Variants in LONP2 observed in about 807,000 individuals in gnomAD.
LONP2 encodes lon peptidase 2, peroxisomal.
In LONP2, 60 loss-of-function variants were observed where a neutral mutation model predicts 85.6. That is an observed-to-expected ratio of 0.70 (90% CI 0.57 to 0.87). LONP2 has a LOEUF of 0.87. Among genes scored for constraint, LONP2 ranks in the 40% least tolerant of loss-of-function variants. The pLI, the probability that LONP2 is intolerant of heterozygous loss-of-function variation, is 0.00. For synonymous variants in LONP2, 395 were observed against 389.7 expected, an observed-to-expected ratio of 1.01 and a Z score of -0.16; for missense variants, 860 against 1,063.5, an observed-to-expected ratio of 0.81 and a Z score of 2.66.
chr16:48,272,971 C>T (rs75838561), intron 7 of LONP2, among the ~76,000 whole-genome samples: 1 of 152,150 alleles, frequency 6.6e-6, no homozygotes, highest in African/African-American at 2.4e-5. Context: ...ACCGACAATT[C>T]CAGCACAACC....
At chr16:48,349,151 G>A (rs1209190928) in intron 14 of LONP2, among the ~76,000 whole-genome samples, 1 of 151,842 alleles carries the variant, frequency 6.6e-6, no homozygotes, top group Non-Finnish European at 1.5e-5. Context: ...TACAGAACTT[G>A]AGAGTATTTA....
chr16:48,254,364 ATT>A (rs141945767), intron 2 of LONP2, among the ~76,000 whole-genome samples: 49 of 138,712 alleles, frequency 3.5e-4, no homozygotes, highest in South Asian at 1.2e-3. Flanking sequence ...TCCATCTCTG[ATT>A]TTTTTTTTTT....
chr16:48,293,787 G>A (rs923970235), intron 8 of LONP2, among the ~76,000 whole-genome samples: 5 of 152,184 alleles, frequency 3.3e-5, no homozygotes, highest in Non-Finnish European at 5.9e-5. Context: ...TACAAAGACA[G>A]AGGGAAGGCT....
chr16:48,335,903 G>C (rs1403974049), intron 12 of LONP2, among the ~76,000 whole-genome samples: 1 of 152,316 alleles, frequency 6.6e-6, no homozygotes, highest in African/African-American at 2.4e-5. Flanking sequence ...TCATGGATTT[G>C]AATTTTGAAG....
At chr16:48,311,933 A>G (rs899124322) in intron 11 of LONP2, among the ~76,000 whole-genome samples, 3 of 148,178 alleles carry the variant, frequency 2.0e-5, no homozygotes. Context: ...CCTGCCCCTG[A>G]CAGCTTCTTC....
chr16:48,259,871 A>G (rs74016347), intron 4 of LONP2, among the ~76,000 whole-genome samples: 1,863 of 152,320 alleles, frequency 0.012, 39 homozygotes, highest in African/African-American at 0.042. Context: ...GAAAACTGCA[A>G]CTTACTCTCA....
At chr16:48,361,778 T>C, downstream of LONP2, 1 of 1,614,184 alleles carries the variant, frequency 6.2e-7, no homozygotes, top group Non-Finnish European at 8.5e-7. Context: ...AATTTTCAGC[T>C]TGCTTGCGTG....
chr16:48,309,265 G>A (rs766228058), intron 11 of LONP2, among the ~76,000 whole-genome samples: 13 of 152,100 alleles, frequency 8.5e-5, no homozygotes, highest in Admixed American at 2.0e-4. Flanking sequence ...AAATAGAACC[G>A]TCATTTGATC....
At chr16:48,286,828 C>T (rs1487475567) in intron 8 of LONP2, among the ~76,000 whole-genome samples, 1 of 151,792 alleles carries the variant, frequency 6.6e-6, no homozygotes, top group African/African-American at 2.4e-5. Context: ...CTCTTTAGGG[C>T]CGTACTTTTG....
rs762572002 is a variant in LONP2, at chr16:48,351,716, A to G, written c.2473A>G (p.Ser825Gly). 11 of 1,614,084 alleles carry G rather than the reference A, an allele frequency of 6.8e-6. No individual in the cohort carries two copies. In the East Asian group the frequency reaches 2.0e-4, roughly 29 times the overall value. Residue 825 changes from serine (S) to glycine (G), a missense_variant, in exon 15 of 15, where the codon AGC (serine) becomes GGC (glycine). Coordinates refer to ENST00000285737, the MANE Select transcript of LONP2 (RefSeq NM_031490.5). ...VRQDLSFVTA[S>G]CLDEVLNAAF... ...ACAGGATTTAAGTTTTGTCACAGCA[A>G]GCTGCCTGGATGAGGTTCTTAATGC...
intron 11 of LONP2, among the ~76,000 whole-genome samples, chr16:48,320,078 T>A (rs1973229586): frequency 6.7e-6 from 1 of 148,876 alleles, no homozygotes. Context: ...GAGAATCGCT[T>A]GAACTTGGGG....
rs779044871 is a variant in LONP2 at position 48,351,798 on chromosome 16, T to C, written c.2555T>C (p.Leu852Pro). Residue 852 changes from leucine to proline, a missense_variant, in exon 15 of 15, where the codon CTG becomes CCG. Around this residue, in one of 3 missense-constraint regions of LONP2, gnomAD observed 115 missense variants for 129.0 expected, o/e 0.89. Transcript: ENST00000285737. ...KTRPGLLNSK[L>P] ...AGACCTGGTCTGTTAAATAGCAAAC[T>C]GTAGGTCCAAATCTCAATTTTTTAG... 2 of 1,613,218 alleles carry C rather than the reference T, an allele frequency of 1.2e-6. No individual in the cohort carries two copies. Among genetic ancestry groups the C allele is most frequent in the Non-Finnish European group, 1.7e-6 (2 of 1,179,372 alleles).
In LONP2 at chr16:48,334,258, T is replaced by C. The variant is rs1315861500; in HGVS notation, c.1838T>C (p.Ile613Thr). 1 of 1,613,964 alleles carries C rather than the reference T, an allele frequency of 6.2e-7. No individual in the cohort carries two copies. Among genetic ancestry groups the C allele is most frequent in the African/African-American group, 1.3e-5 (1 of 74,920 alleles). The part of the protein sequence containing the change: ...HILEDEKPES[I>T]SDTTDLALPP... ...TTAGAAGATGAAAAACCTGAATCTA[T>C]CAGTGACACTACTGACTTGGCTCTA... The change falls in exon 12 of 15, where the codon ATC (isoleucine) becomes ACC (threonine). Residue 613 changes from isoleucine to threonine, a missense_variant. By Grantham distance (89) the Ile-to-Thr change is moderately conservative (BLOSUM62 -1). Around this residue, in one of 3 missense-constraint regions of LONP2, gnomAD observed 743 missense variants for 917.3 expected, o/e 0.81. Coordinates refer to ENST00000285737, the MANE Select transcript of LONP2 (RefSeq NM_031490.5).
chr16:48,352,038 G>A lies in LONP2; in HGVS notation c.*236G>A. On this transcript the variant is annotated 3_prime_UTR_variant, in exon 15 of 15. Coordinates refer to ENST00000285737, the MANE Select transcript of LONP2 (RefSeq NM_031490.5). Reference sequence around the variant, plus strand: ...TTTAGTGGGATCCTTACTGTCCCTGGAAAGATATAGCATAGTGGTTCTCAG... The same window carrying A: ...TTTAGTGGGATCCTTACTGTCCCTGAAAAGATATAGCATAGTGGTTCTCAG... The A allele has an allele frequency of 1.9e-6, 1 of 537,400 alleles. No homozygotes were observed. Among genetic ancestry groups the A allele is most frequent in the Non-Finnish European group, 3.3e-6 (1 of 301,740 alleles). 33.3% of individuals were successfully genotyped at this position (537,400 alleles called of 1,614,324 possible). A position where few individuals can be genotyped will look rare whatever the true frequency, so the allele number is the denominator to read the frequency against.
At chr16:48,264,791 A>G (rs183622967) in intron 6 of LONP2, among the ~76,000 whole-genome samples, 1 of 152,350 alleles carries the variant, frequency 6.6e-6, no homozygotes, top group African/African-American at 2.4e-5. Context: ...ATAAATGTCC[A>G]TAAAATCTTC....
intron 11 of LONP2, among the ~76,000 whole-genome samples, chr16:48,328,626 C>G (rs950444565): frequency 6.8e-6 from 1 of 147,704 alleles, no homozygotes; most frequent in Non-Finnish European, 1.5e-5. Flanking sequence ...TGCAGTGAGC[C>G]GAGATCACAC....
intron 11 of LONP2, among the ~76,000 whole-genome samples, chr16:48,310,250 C>T (rs1241535556): frequency 6.6e-6 from 1 of 151,594 alleles, no homozygotes; most frequent in East Asian, 1.9e-4. Flanking sequence ...TCCATTGCAC[C>T]AATTTATATC....
chr16:48,332,368 G>C (rs779368935), intron 11 of LONP2, among the ~76,000 whole-genome samples: 3 of 152,122 alleles, frequency 2.0e-5, no homozygotes, highest in African/African-American at 4.8e-5. Flanking sequence ...TTGAGGTCAG[G>C]AGTTCAAGAC....
At chr16:48,318,496 G>A (rs932327353) in intron 11 of LONP2, among the ~76,000 whole-genome samples, 1 of 152,072 alleles carries the variant, frequency 6.6e-6, no homozygotes, top group Admixed American at 6.6e-5. Flanking sequence ...TCTAGCCTGG[G>A]CAACAGAGCA....
Sources: gnomAD v4.1 joint callset for allele counts (sites outside exome capture counted in the v4.1 genomes callset) on GRCh38, gnomAD v4.1.1 for gene constraint, gnomAD v4.1.1 regional missense constraint, MANE v1.5 for transcripts, NCBI Gene and HGNC (gene_info 2026-07-23, HGNC 2026-07-21) for gene names.